Variants in CDH13 observed in about 807,000 individuals in gnomAD.
The protein encoded by CDH13 is cadherin 13.
CDH13 carries 24 observed loss-of-function variants against 63.8 expected under a neutral mutation model. The observed-to-expected ratio is 0.38, with a 90% CI of 0.27 to 0.53. The LOEUF (loss-of-function observed/expected upper bound fraction) is 0.53. CDH13 is among the 20% of genes least tolerant of loss of function. The probability of loss-of-function intolerance (pLI) is 0.85; values close to 1 mark genes in which losing one functional copy is unlikely to be tolerated. For synonymous variants in CDH13, 503 were observed against 355.3 expected, an observed-to-expected ratio of 1.42 and a Z score of -4.67; for missense variants, 1,049 against 903.1, an observed-to-expected ratio of 1.16 and a Z score of -2.07.
chr16:83,510,080 T>G (rs537670002), intron 7 of CDH13, among the ~76,000 whole-genome samples: 1 of 152,364 alleles, frequency 6.6e-6, no homozygotes, highest in South Asian at 2.1e-4. Context: ...CTCAGCCCAG[T>G]AGCCCTGTGA....
At chr16:82,721,628 C>T (rs1322544578) in intron 1 of CDH13, among the ~76,000 whole-genome samples, 1 of 152,108 alleles carries the variant, frequency 6.6e-6, no homozygotes, top group African/African-American at 2.4e-5. Flanking sequence ...AAAAGATGAA[C>T]CATAGGAATG....
chr16:83,516,272 G>A (rs1230236300), intron 7 of CDH13, among the ~76,000 whole-genome samples: 1 of 152,198 alleles, frequency 6.6e-6, no homozygotes, highest in Non-Finnish European at 1.5e-5. Context: ...CGTTTGGGGA[G>A]TGTGGCTCCA....
Position 83,669,025 on chromosome 16 carries a change from A to G in CDH13, c.1102-1765A>G, listed in dbSNP as rs550915208. On this transcript the variant is annotated intron_variant, in intron 8 of 13. Transcript: ENST00000567109. ...ATCCTGCTTCTTGCCCCGACTACAT[A>G]TTGGAATTATCTAGGCAGGTGAATA... Among the ~76,000 whole-genome samples, 7 of 152,260 alleles carry G rather than the reference A, an allele frequency of 4.6e-5. No homozygotes were observed. In the South Asian group the frequency reaches 1.5e-3, roughly 32 times the overall value.
chr16:82,705,402 A>G (rs184994151), intron 1 of CDH13: 2 of 267,630 alleles, frequency 7.5e-6, no homozygotes, highest in East Asian at 9.9e-5. Context: ...AAGCCACACA[A>G]TCGCCTCTAG....
At chr16:82,673,132 G>A (rs1913490767) in intron 1 of CDH13, among the ~76,000 whole-genome samples, 1 of 147,342 alleles carries the variant, frequency 6.8e-6, no homozygotes, top group South Asian at 2.2e-4. Context: ...ATCAGTCACT[G>A]TGCCCAGCCC....
chr16:82,978,895 A>G (rs945052399), intron 2 of CDH13, among the ~76,000 whole-genome samples: 10 of 141,724 alleles, frequency 7.1e-5, no homozygotes, highest in Admixed American at 7.0e-5. Context: ...TTGCACCACC[A>G]TGCACCTGGA....
chr16:83,763,582 T>C (rs1914149330), intron 11 of CDH13, among the ~76,000 whole-genome samples: 2 of 152,112 alleles, frequency 1.3e-5, no homozygotes. Context: ...AGGGGGGATA[T>C]AGTAAGATTA....
At chr16:83,029,751 G>C (rs970556927) in intron 2 of CDH13, among the ~76,000 whole-genome samples, 1 of 152,184 alleles carries the variant, frequency 6.6e-6, no homozygotes, top group Non-Finnish European at 1.5e-5. Flanking sequence ...GAGGGGACTG[G>C]TAATGTGTCA....
chr16:83,505,682 T>C (rs928489163), intron 7 of CDH13, among the ~76,000 whole-genome samples: 1 of 151,948 alleles, frequency 6.6e-6, no homozygotes, highest in Non-Finnish European at 1.5e-5. Flanking sequence ...TAGCTGGGAT[T>C]ACAGGCATGC....
chr16:83,015,772 G>A (rs1383608647), intron 2 of CDH13, among the ~76,000 whole-genome samples: 2 of 142,322 alleles, frequency 1.4e-5, no homozygotes, highest in Non-Finnish European at 3.0e-5. Context: ...CTTGCCGTGG[G>A]TATGTGCAAA....
intron 6 of CDH13, among the ~76,000 whole-genome samples, chr16:83,457,703 C>G (rs761149601): frequency 6.6e-6 from 1 of 152,108 alleles, no homozygotes. Context: ...CCAGGCCATG[C>G]AAGCCTTGCA....
At chr16:83,075,517 A>T (rs1340414808) in intron 3 of CDH13, among the ~76,000 whole-genome samples, 3 of 152,166 alleles carry the variant, frequency 2.0e-5, no homozygotes, top group Non-Finnish European at 4.4e-5. Flanking sequence ...TGCAAAGGGA[A>T]CAGGGTTGTG....
chr16:83,557,265 G>A (rs1157353197), intron 7 of CDH13, among the ~76,000 whole-genome samples: 1 of 152,086 alleles, frequency 6.6e-6, no homozygotes, highest in Non-Finnish European at 1.5e-5. Flanking sequence ...AACAAGCTCA[G>A]GACTCCCACA....
intron 6 of CDH13, among the ~76,000 whole-genome samples, chr16:83,346,831 T>C (rs1036511316): frequency 2.0e-5 from 3 of 152,342 alleles, no homozygotes; most frequent in South Asian, 2.1e-4. Context: ...TTTATGCACA[T>C]TGAATTTCTT....
chr16:83,517,842 A>C (rs1371092254), intron 7 of CDH13, among the ~76,000 whole-genome samples: 1 of 152,186 alleles, frequency 6.6e-6, no homozygotes, highest in Non-Finnish European at 1.5e-5. Flanking sequence ...TGGCACTCTC[A>C]CTAAATGCAA....
intron 13 of CDH13, among the ~76,000 whole-genome samples, chr16:83,784,261 C>T (rs1376146227): frequency 6.6e-6 from 1 of 152,100 alleles, no homozygotes; most frequent in African/African-American, 2.4e-5. Context: ...TGGTGAGCTG[C>T]CAGGAAATCA....
chr16:83,311,276 G>T (rs1294121682), intron 5 of CDH13, among the ~76,000 whole-genome samples: 4 of 152,074 alleles, frequency 2.6e-5, no homozygotes, highest in Non-Finnish European at 5.9e-5. Flanking sequence ...TTCTTATCAG[G>T]ATGTGTGTCC....
At chr16:83,261,495 G>A (rs993446902) in intron 5 of CDH13, among the ~76,000 whole-genome samples, 1 of 152,016 alleles carries the variant, frequency 6.6e-6, no homozygotes, top group African/African-American at 2.4e-5. Context: ...AGGAATGAGT[G>A]GGGCTAGGTG....
intron 4 of CDH13, among the ~76,000 whole-genome samples, chr16:83,159,917 A>C (rs2037374945): frequency 6.6e-6 from 1 of 152,130 alleles, no homozygotes; most frequent in Admixed American, 6.5e-5. Context: ...TCTACTAAAA[A>C]TACAAAAAAT....
Sources: allele counts gnomAD v4.1 joint callset (sites outside exome capture counted in the v4.1 genomes callset), GRCh38; gene constraint gnomAD v4.1.1; transcripts MANE v1.5; gene names NCBI Gene and HGNC (gene_info 2026-07-23, HGNC 2026-07-21).